HEMK2: variants seen among roughly 807,000 people sequenced by gnomAD.
HEMK2 encodes the protein HemK methyltransferase 2, ETF1 glutamine and histone H4 lysine.
the HEMK2 span, among the ~76,000 whole-genome samples, chr21:28,741,705 G>A: frequency 0.23 from 34,802 of 152,014 alleles, 4,626 homozygotes; most frequent in African/African-American, 0.35. Flanking sequence ...CTCTAGCTTC[G>A]TCCATGTCCC....
chr21:28,639,746 C>T, the HEMK2 span, among the ~76,000 whole-genome samples: 1 of 152,152 alleles, frequency 6.6e-6, no homozygotes, highest in Non-Finnish European at 1.5e-5. Context: ...TTATTCAAAT[C>T]ATGTTCAATA....
the HEMK2 span, among the ~76,000 whole-genome samples, chr21:28,817,092 T>C: frequency 3.9e-5 from 6 of 152,156 alleles, no homozygotes; most frequent in African/African-American, 1.4e-4. Context: ...GGGGTGGCAA[T>C]TATAAACTGA....
the HEMK2 span, among the ~76,000 whole-genome samples, chr21:28,723,594 G>C: frequency 6.6e-6 from 1 of 152,260 alleles, no homozygotes; most frequent in African/African-American, 2.4e-5. Flanking sequence ...ATCTAAAACA[G>C]GGCTCAGATT....
the HEMK2 span, among the ~76,000 whole-genome samples, chr21:28,754,912 G>C: frequency 6.6e-6 from 1 of 152,182 alleles, no homozygotes. Context: ...CTTTAGAAGA[G>C]GCAAGAAGCA....
At chr21:28,616,501 A>G in the HEMK2 span, among the ~76,000 whole-genome samples, 6 of 152,160 alleles carry the variant, frequency 3.9e-5, no homozygotes, top group Non-Finnish European at 7.4e-5. Flanking sequence ...AAAATATTAG[A>G]TTTTTAAGAA....
the HEMK2 span, among the ~76,000 whole-genome samples, chr21:28,581,581 A>T: frequency 2.0e-5 from 3 of 152,226 alleles, no homozygotes; most frequent in African/African-American, 7.2e-5. Flanking sequence ...GGAAAGAGGA[A>T]CAAAGCCTGT....
At chr21:28,868,720 A>G in the HEMK2 span, among the ~76,000 whole-genome samples, 1 of 152,238 alleles carries the variant, frequency 6.6e-6, no homozygotes, top group African/African-American at 2.4e-5. Context: ...ATTGCATGTT[A>G]GTCCTGTACA....
At chr21:28,832,326 A>T in the HEMK2 span, among the ~76,000 whole-genome samples, 1 of 152,204 alleles carries the variant, frequency 6.6e-6, no homozygotes, top group Non-Finnish European at 1.5e-5. Flanking sequence ...GAGAGAGGAA[A>T]TAACAATCAG....
the HEMK2 span, among the ~76,000 whole-genome samples, chr21:28,640,676 G>A: frequency 6.6e-6 from 1 of 151,890 alleles, no homozygotes; most frequent in Non-Finnish European, 1.5e-5. Context: ...GTCCCTAGTG[G>A]ATGTCTGATC....
chr21:28,637,078 A>G, the HEMK2 span, among the ~76,000 whole-genome samples: 1 of 152,196 alleles, frequency 6.6e-6, no homozygotes. Context: ...TGGGTAGTTC[A>G]TGTGCAAATC....
chr21:28,759,046 A>G, the HEMK2 span, among the ~76,000 whole-genome samples: 1 of 152,212 alleles, frequency 6.6e-6, no homozygotes, highest in Non-Finnish European at 1.5e-5. Flanking sequence ...TTTGAGATCC[A>G]AAGTCCTAGG....
chr21:28,577,743 C>G, the HEMK2 span, among the ~76,000 whole-genome samples: 1 of 152,070 alleles, frequency 6.6e-6, no homozygotes. Context: ...ATCTGAAATT[C>G]AAATGTAACT....
At chr21:28,626,228 G>A in the HEMK2 span, among the ~76,000 whole-genome samples, 3 of 152,142 alleles carry the variant, frequency 2.0e-5, no homozygotes, top group East Asian at 3.9e-4. Context: ...ACTATTATGC[G>A]GTTATTGCAA....
At chr21:28,774,025 T>C in the HEMK2 span, among the ~76,000 whole-genome samples, 3 of 152,156 alleles carry the variant, frequency 2.0e-5, no homozygotes, top group Non-Finnish European at 4.4e-5. Context: ...CCTGCAACAC[T>C]GGCTGGAAAC....
At chr21:28,630,425 CT>C in the HEMK2 span, among the ~76,000 whole-genome samples, 1 of 152,158 alleles carries the variant, frequency 6.6e-6, no homozygotes, top group Non-Finnish European at 1.5e-5. Flanking sequence ...CATCCCGTTA[CT>C]GGGTATATAC....
the HEMK2 span, among the ~76,000 whole-genome samples, chr21:28,799,829 A>G: frequency 2.0e-5 from 3 of 152,144 alleles, no homozygotes; most frequent in Admixed American, 6.5e-5. Context: ...AAAACTATCC[A>G]TATTTTTGAT....
chr21:28,661,622 T>G, the HEMK2 span, among the ~76,000 whole-genome samples: 2 of 152,060 alleles, frequency 1.3e-5, no homozygotes, highest in African/African-American at 2.4e-5. Context: ...CTCTTGTATT[T>G]CATTTCCTGG....
the HEMK2 span, among the ~76,000 whole-genome samples, chr21:28,677,652 G>T: frequency 2.0e-5 from 3 of 152,190 alleles, no homozygotes; most frequent in Admixed American, 1.3e-4. Context: ...CCCCCCAGTA[G>T]GGGCAGACTG....
chr21:28,823,377 A>G, the HEMK2 span, among the ~76,000 whole-genome samples: 3 of 152,212 alleles, frequency 2.0e-5, no homozygotes, highest in Non-Finnish European at 2.9e-5. Flanking sequence ...GTTGAATCTG[A>G]GCATAAAAAT....
Sources: gnomAD v4.1 joint callset for allele counts (sites outside exome capture counted in the v4.1 genomes callset) on GRCh38, gnomAD v4.1.1 for gene constraint, MANE v1.5 for transcripts, NCBI Gene and HGNC (gene_info 2026-07-23, HGNC 2026-07-21) for gene names.